SNTG2: variants seen among roughly 807,000 people sequenced by gnomAD.
The protein encoded by SNTG2 is syntrophin gamma 2.
Under a neutral mutation model 70.9 loss-of-function variants are expected in SNTG2, and 74 were observed. The observed-to-expected ratio is 1.04, with a 90% CI of 0.86 to 1.27. The LOEUF (loss-of-function observed/expected upper bound fraction) is 1.27, where lower values mean the gene tolerates loss of function less well. Ranked by LOEUF, SNTG2 falls within the 50% of genes most tolerant of loss-of-function variation. SNTG2 has a pLI of 0.00. For synonymous variants in SNTG2, 278 were observed against 273.8 expected (o/e 1.02, Z -0.15); for missense variants, 717 against 690.7 (o/e 1.04, Z -0.43).
In SNTG2 at chr2:1,239,748, C is replaced by T. The variant is rs769212263; in HGVS notation, c.860C>T (p.Ala287Val). The T allele has an allele frequency of 3.5e-5, 56 of 1,613,238 alleles. No homozygotes were observed. In the East Asian group the frequency reaches 3.6e-4, roughly 10 times the overall value. The change falls in exon 11 of 17, where the codon GCG (alanine) becomes GTG (valine). Residue 287 changes from alanine (A) to valine (V), a missense_variant. Physicochemically the swap from Ala to Val is moderately conservative, Grantham distance 64. Transcript: ENST00000308624. ...GCCTTCTCTCCACAGATGAAGATGG[C>T]GAACAAATGCTGCTCTCCTTCCGAC... ...RELTLQNMKMANKCCSPSDQV... is the reference protein window; with the variant it reads ...RELTLQNMKMVNKCCSPSDQV...
intron 4 of SNTG2, among the ~76,000 whole-genome samples, chr2:1,101,855 C>A (rs955351515): frequency 6.6e-6 from 1 of 152,210 alleles, no homozygotes; most frequent in African/African-American, 2.4e-5. Context: ...TGGGAAAGCT[C>A]TCCAGCTCTC....
chr2:1,174,694 G>A (rs1461776455), intron 8 of SNTG2, among the ~76,000 whole-genome samples: 1 of 152,144 alleles, frequency 6.6e-6, no homozygotes, highest in African/African-American at 2.4e-5. Context: ...TCCAGTGCTA[G>A]GTAATTTTTG....
chr2:1,321,031 TAATG>T (rs1174974300), intron 16 of SNTG2, among the ~76,000 whole-genome samples: 1 of 152,250 alleles, frequency 6.6e-6, no homozygotes, highest in Admixed American at 6.5e-5. Context: ...ATGAATAAAT[TAATG>T]AAGAAGGAGC....
At position 1,097,907 on chromosome 2, in the gene SNTG2, G is replaced by A. The variant is rs1274323193; in HGVS notation, c.211-289G>A. On this transcript the variant is annotated intron_variant, in intron 2 of 16. Coordinates refer to ENST00000308624, the MANE Select transcript of SNTG2 (RefSeq NM_018968.4). The surrounding 1 kb of genome is among the most constrained non-coding windows in gnomAD (Gnocchi z 4.1). ...ACCCCTCGTTTCTTCATGGAGCTCC[G>A]TTCCTCACAAGCAGAATGCAGACGG... Among the ~76,000 whole-genome samples, 6 of 151,678 alleles carry A rather than the reference G, an allele frequency of 4.0e-5. No homozygotes were observed. Among genetic ancestry groups the A allele is most frequent in the Admixed American group, 6.6e-5 (1 of 15,224 alleles).
At chr2:1,163,280 C>G (rs1470111236) in intron 6 of SNTG2, 4 of 151,644 alleles carry the variant, frequency 2.6e-5, no homozygotes, top group Non-Finnish European at 4.4e-5. Context: ...GTGAAGCCTC[C>G]CAACAGGAGG....
chr2:1,073,224 C>G, intron 1 of SNTG2, among the ~76,000 whole-genome samples: 1 of 152,194 alleles, frequency 6.6e-6, no homozygotes, highest in Admixed American at 6.5e-5. Context: ...TTCTACCAAA[C>G]AGCATCAAAT....
At chr2:1,299,052 A>G (rs138677986) in intron 14 of SNTG2, among the ~76,000 whole-genome samples, 242 of 152,284 alleles carry the variant, frequency 1.6e-3, no homozygotes, top group African/African-American at 5.2e-3. Flanking sequence ...AATATTTAAT[A>G]AACTCCCCTT....
intron 1 of SNTG2, among the ~76,000 whole-genome samples, chr2:1,052,161 G>A (rs918450996): frequency 6.6e-6 from 1 of 151,978 alleles, no homozygotes; most frequent in Non-Finnish European, 1.5e-5. Context: ...GAGTTTACTG[G>A]TAGTCATTGT....
chr2:1,316,205 T>C (rs888809374), intron 15 of SNTG2, 60 bp from the exon 16 acceptor site: 12 of 781,216 alleles, frequency 1.5e-5, no homozygotes, highest in Non-Finnish European at 2.1e-5. Flanking sequence ...TAGTAACAGA[T>C]GCTAATTAAA....
chr2:1,173,912 T>A (rs1417949637), intron 8 of SNTG2, among the ~76,000 whole-genome samples: 2 of 152,280 alleles, frequency 1.3e-5, no homozygotes, highest in African/African-American at 2.4e-5. Flanking sequence ...TAGAATCCTG[T>A]AAGCAGTTTG....
chr2:1,066,403 A>G (rs564028434), intron 1 of SNTG2, among the ~76,000 whole-genome samples: 6 of 150,844 alleles, frequency 4.0e-5, no homozygotes, highest in African/African-American at 1.5e-4. Flanking sequence ...CTTCCTGTTG[A>G]TCAATGCTGG....
At chr2:1,049,904 A>G (rs1264818507) in intron 1 of SNTG2, among the ~76,000 whole-genome samples, 1 of 152,212 alleles carries the variant, frequency 6.6e-6, no homozygotes, top group East Asian at 1.9e-4. Flanking sequence ...GTTATTGAAT[A>G]TCTTCCCATA....
chr2:1,263,996 T>C (rs1206867904), intron 13 of SNTG2, among the ~76,000 whole-genome samples: 1 of 152,222 alleles, frequency 6.6e-6, no homozygotes, highest in Non-Finnish European at 1.5e-5. Flanking sequence ...AATATGGGCT[T>C]GAACTGCGTG....
At chr2:955,259 A>G (rs1266666878) in intron 1 of SNTG2, among the ~76,000 whole-genome samples, 2 of 152,210 alleles carry the variant, frequency 1.3e-5, no homozygotes, top group Non-Finnish European at 2.9e-5. Context: ...GTGACCCTCC[A>G]CTGTCAAGAT....
At chr2:1,166,489 T>C (rs192075940) in intron 7 of SNTG2, among the ~76,000 whole-genome samples, 1 of 152,308 alleles carries the variant, frequency 6.6e-6, no homozygotes, top group African/African-American at 2.4e-5. Flanking sequence ...TCCATTGATG[T>C]CCCTATTGTC....
intron 16 of SNTG2, among the ~76,000 whole-genome samples, chr2:1,361,345 T>TTA (rs1553287182): frequency 6.7e-6 from 1 of 149,642 alleles, no homozygotes; most frequent in Non-Finnish European, 1.5e-5. Flanking sequence ...TTGACCCATT[T>TTA]AAAAAAAAAA....
chr2:1,238,810 G>T (rs1457085547), intron 10 of SNTG2, among the ~76,000 whole-genome samples: 2 of 152,202 alleles, frequency 1.3e-5, no homozygotes, highest in East Asian at 3.9e-4. Flanking sequence ...GCAGAGGCTG[G>T]GTCCAGCTTG....
chr2:970,413 C>T (rs201795325), intron 1 of SNTG2, among the ~76,000 whole-genome samples: 1 of 129,012 alleles, frequency 7.8e-6, no homozygotes, highest in Non-Finnish European at 1.6e-5. Flanking sequence ...TGCTATCCCT[C>T]CCCCCTCCCC....
intron 14 of SNTG2, among the ~76,000 whole-genome samples, chr2:1,282,888 C>G (rs997852869): frequency 6.6e-6 from 1 of 152,232 alleles, no homozygotes; most frequent in Non-Finnish European, 1.5e-5. Context: ...GATGAGCTCC[C>G]TTTGCTCACA....
Sources: allele counts gnomAD v4.1 joint callset (sites outside exome capture counted in the v4.1 genomes callset), GRCh38; gene constraint gnomAD v4.1.1; non-coding constraint Gnocchi (gnomAD v3.1); transcripts MANE v1.5; gene names NCBI Gene and HGNC (gene_info 2026-07-23, HGNC 2026-07-21).